FOXP2: variants seen among roughly 807,000 people sequenced by gnomAD.
FOXP2 encodes forkhead box P2.
FOXP2 carries 12 observed loss-of-function variants against 115.8 expected under a neutral mutation model. That is an observed-to-expected ratio of 0.10 (90% CI 0.07 to 0.17). FOXP2 has a LOEUF of 0.17. FOXP2 is among the 10% of genes least tolerant of loss of function. The pLI, the probability that FOXP2 is intolerant of heterozygous loss-of-function variation, is 1.00. For missense variants in FOXP2, 629 were observed against 843.5 expected, an observed-to-expected ratio of 0.75 and a Z score of 3.15; for synonymous variants, 328 against 297.7, an observed-to-expected ratio of 1.10 and a Z score of -1.05.
At chr7:114,310,423 T>C (rs1179517164) in intron 2 of FOXP2, among the ~76,000 whole-genome samples, 1 of 152,156 alleles carries the variant, frequency 6.6e-6, no homozygotes, top group African/African-American at 2.4e-5. Flanking sequence ...AAGTTGACCC[T>C]ACCCTCAAAT....
intron 2 of FOXP2, among the ~76,000 whole-genome samples, chr7:114,389,889 TG>T (rs1465704721): frequency 6.6e-6 from 1 of 151,760 alleles, no homozygotes. Context: ...TTGGGCATGG[TG>T]GCATGCTCCT....
intron 2 of FOXP2, chr7:114,297,226 C>G (rs567417911): frequency 8.3e-6 from 4 of 480,804 alleles, no homozygotes; most frequent in African/African-American, 6.1e-5. Flanking sequence ...CTTGAGGGCC[C>G]GTTTGTCCTT....
intron 2 of FOXP2, among the ~76,000 whole-genome samples, chr7:114,527,249 T>C (rs1465822569): frequency 6.6e-6 from 1 of 152,128 alleles, no homozygotes; most frequent in Non-Finnish European, 1.5e-5. Flanking sequence ...TTATGCATGA[T>C]GTTGATATGA....
At chr7:114,290,786 C>A (rs1796571915) in intron 2 of FOXP2, among the ~76,000 whole-genome samples, 1 of 151,990 alleles carries the variant, frequency 6.6e-6, no homozygotes, top group Non-Finnish European at 1.5e-5. Context: ...TTATATGAAA[C>A]CTTGAACAAA....
At chr7:114,407,366 C>T (rs951895727) in intron 2 of FOXP2, among the ~76,000 whole-genome samples, 1 of 151,840 alleles carries the variant, frequency 6.6e-6, no homozygotes, top group Non-Finnish European at 1.5e-5. Context: ...AAAATAGCAA[C>T]GCATTTCCTA....
intron 2 of FOXP2, among the ~76,000 whole-genome samples, chr7:114,385,644 T>C (rs922982394): frequency 6.6e-6 from 1 of 152,184 alleles, no homozygotes; most frequent in Non-Finnish European, 1.5e-5. Context: ...TCGGCGACCA[T>C]GCTAATCATT....
chr7:114,408,558 C>T (rs997674716), intron 2 of FOXP2, among the ~76,000 whole-genome samples: 2 of 151,970 alleles, frequency 1.3e-5, no homozygotes, highest in African/African-American at 4.8e-5. Flanking sequence ...GAAACCCTGT[C>T]TCTACGAAAA....
At chr7:114,606,275 A>G (rs1290373361) in intron 3 of FOXP2, among the ~76,000 whole-genome samples, 1 of 152,166 alleles carries the variant, frequency 6.6e-6, no homozygotes, top group Non-Finnish European at 1.5e-5. Flanking sequence ...AGTTATTTGT[A>G]TGTCTATAAC....
At chr7:114,630,101 C>T in intron 5 of FOXP2, 96 bp downstream of exon 5, 1 of 1,593,682 alleles carries the variant, frequency 6.3e-7, no homozygotes, top group African/African-American at 1.3e-5. Context: ...TAACAAGGCT[C>T]TTGCTGTCAA....
intron 2 of FOXP2, among the ~76,000 whole-genome samples, chr7:114,367,862 T>G (rs1791917777): frequency 6.6e-6 from 1 of 152,194 alleles, no homozygotes; most frequent in Non-Finnish European, 1.5e-5. Context: ...CATTTTCCAT[T>G]TTTATAAATA....
Position 114,693,618 on chromosome 7 carries a change from C to G in FOXP2, c.*3692C>G, listed in dbSNP as rs975565915. ...TGAACACTTGGCATATCTTACTTAG[C>G]AAAAAAGAAGGATGTACATTTTACT... On this transcript the variant is annotated 3_prime_UTR_variant, in exon 17 of 17. Transcript: ENST00000350908. The G allele has an allele frequency of 1.4e-5, 6 of 442,930 alleles. No individual in the cohort carries two copies. Among genetic ancestry groups the G allele is most frequent in the African/African-American group, 1.2e-4 (6 of 48,970 alleles). The allele number at this position is 442,930 out of a possible 1,614,324, so 27.4% of individuals were successfully genotyped here.
At chr7:114,373,163 TTTTG>T (rs1048560386) in intron 2 of FOXP2, among the ~76,000 whole-genome samples, 2 of 151,972 alleles carry the variant, frequency 1.3e-5, no homozygotes, top group South Asian at 2.1e-4. Context: ...AGGCTAATTT[TTTTG>T]TTTGTTTGTT....
At chr7:114,249,602 T>C (rs1795383080) in intron 1 of FOXP2, among the ~76,000 whole-genome samples, 1 of 152,230 alleles carries the variant, frequency 6.6e-6, no homozygotes, top group Non-Finnish European at 1.5e-5. Context: ...ATTTTCTTTA[T>C]GCAGTCTATC....
At chr7:114,436,985 T>C (rs141230711) in intron 2 of FOXP2, among the ~76,000 whole-genome samples, 39 of 152,348 alleles carry the variant, frequency 2.6e-4, no homozygotes, top group African/African-American at 8.7e-4. Context: ...TTATGGTAGT[T>C]TCTACAAATG....
At chr7:114,246,800 A>C (rs1795296421) in intron 1 of FOXP2, among the ~76,000 whole-genome samples, 1 of 152,130 alleles carries the variant, frequency 6.6e-6, no homozygotes, top group Non-Finnish European at 1.5e-5. Context: ...TTGTCTTTAT[A>C]ATTAGCCCCT....
At chr7:114,455,179 T>G (rs1795256145) in intron 2 of FOXP2, among the ~76,000 whole-genome samples, 1 of 152,190 alleles carries the variant, frequency 6.6e-6, no homozygotes, top group Admixed American at 6.5e-5. Flanking sequence ...CTTAAGAATT[T>G]TAAGCTATCT....
chr7:114,222,909 C>G (rs1459614045), intron 1 of FOXP2, among the ~76,000 whole-genome samples: 1 of 152,160 alleles, frequency 6.6e-6, no homozygotes, highest in African/African-American at 2.4e-5. Context: ...CCATACTCAA[C>G]TAAAGAAATT....
At chr7:114,087,529 G>T (rs767232727), upstream of FOXP2, among the ~76,000 whole-genome samples, 3 of 151,812 alleles carry the variant, frequency 2.0e-5, no homozygotes, top group Non-Finnish European at 2.9e-5. Flanking sequence ...TTCTCACTTG[G>T]CTGTTACCTG....
intron 2 of FOXP2, among the ~76,000 whole-genome samples, chr7:114,530,724 A>C (rs1357288198): frequency 6.6e-6 from 1 of 151,880 alleles, no homozygotes; most frequent in Non-Finnish European, 1.5e-5. Flanking sequence ...CATTAGAATT[A>C]TTCTGTGAGG....
Sources: gnomAD v4.1 joint callset for allele counts (sites outside exome capture counted in the v4.1 genomes callset) on GRCh38, gnomAD v4.1.1 for gene constraint, MANE v1.5 for transcripts, NCBI Gene and HGNC (gene_info 2026-07-23, HGNC 2026-07-21) for gene names.